ACOT9: variants seen among roughly 807,000 people sequenced by gnomAD.
The protein encoded by ACOT9 is acyl-coenzyme A thioesterase 9, mitochondrial.
Under a neutral mutation model 39.7 loss-of-function variants are expected in ACOT9, and 34 were observed. The observed-to-expected ratio is 0.86, with a 90% CI of 0.65 to 1.14. The LOEUF is 1.14. ACOT9 is among the 50% of genes most tolerant of loss of function. The probability of loss-of-function intolerance (pLI) is 0.00; values close to 1 mark genes in which losing one functional copy is unlikely to be tolerated. For missense variants in ACOT9, 313 were observed against 344.1 expected, an observed-to-expected ratio of 0.91 and a Z score of 0.71; for synonymous variants, 110 against 120.5, an observed-to-expected ratio of 0.91 and a Z score of 0.57.
intron 8 of ACOT9, 39 bp downstream of exon 8, chrX:23,721,842 T>G (rs1569194354): frequency 8.9e-7 from 1 of 1,117,822 alleles, no homozygotes; most frequent in African/African-American, 1.8e-5. Context: ...ACTAGCTGGT[T>G]TTACTTAAAC....
intron 4 of ACOT9, 114 bp from the exon 5 acceptor site, chrX:23,731,100 C>A: frequency 1.9e-6 from 1 of 531,055 alleles, no homozygotes; most frequent in South Asian, 4.7e-5. Context: ...TCTGGGCCTA[C>A]TTTCACCTTC....
At chrX:23,742,213 T>TGAGAAA (rs1920974876) in intron 1 of ACOT9, among the ~76,000 whole-genome samples, 1 of 68,910 alleles carries the variant, frequency 1.5e-5, no homozygotes, top group African/African-American at 7.5e-5. Flanking sequence ...AGTGAGTGAG[T>TGAGAAA]GAGAGAGAGA....
intron 9 of ACOT9, among the ~76,000 whole-genome samples, chrX:23,711,205 C>T: frequency 9.2e-6 from 1 of 109,156 alleles, no homozygotes; most frequent in East Asian, 2.9e-4. Flanking sequence ...GCCTGTAGTC[C>T]CAGCTACTTG....
At chrX:23,731,078 G>A (rs1014399359) in intron 4 of ACOT9, 92 bp from the exon 5 acceptor site, 14 of 741,580 alleles carry the variant, frequency 1.9e-5, no homozygotes, top group Non-Finnish European at 2.7e-5. Context: ...CATCAAAGGA[G>A]GAAAAAGAAG....
At chrX:23,736,037 C>A in intron 1 of ACOT9, 21 bp from the exon 2 acceptor site, 2 of 1,168,267 alleles carry the variant, frequency 1.7e-6, no homozygotes, top group Non-Finnish European at 2.3e-6. Flanking sequence ...AGATAAAACA[C>A]AGAGCAGATC....
At chrX:23,719,825 C>T (rs1929235180) in intron 8 of ACOT9, among the ~76,000 whole-genome samples, 1 of 95,682 alleles carries the variant, frequency 1.0e-5, no homozygotes, top group African/African-American at 3.9e-5. Flanking sequence ...AATACCCTGG[C>T]ATAAATGAAT....
chrX:23,731,106 C>T, intron 4 of ACOT9, 120 bp from the exon 5 acceptor site: 1 of 481,254 alleles, frequency 2.1e-6, no homozygotes, highest in Non-Finnish European at 3.3e-6. Flanking sequence ...CCTACTTTCA[C>T]CTTCTCTTCC....
At position 23,717,215 on chromosome X, in the gene ACOT9, C is replaced by A. The variant is rs181679342; in HGVS notation, c.589-4007G>T. Among the ~76,000 whole-genome samples, 45 of 110,460 alleles carry A rather than the reference C, an allele frequency of 4.1e-4. No homozygotes were observed. The East Asian group carries it at 0.012, about 29-fold the overall frequency. ...ATGTTGCTCAGGCTGGTCTTGAACT[C>A]CTGAGCTCAGGAGATCCACCTGCCT... is the stretch of plus-strand genomic sequence containing the variant. On this transcript the variant is annotated intron_variant, in intron 8 of 15. Coordinates refer to ENST00000379303, the MANE Select transcript of ACOT9 (RefSeq NM_001037171.2).
At chrX:23,730,066 A>G (rs1436791177) in intron 6 of ACOT9, among the ~76,000 whole-genome samples, 1 of 107,176 alleles carries the variant, frequency 9.3e-6, no homozygotes, top group African/African-American at 3.4e-5. Context: ...GAAAAAAATT[A>G]TGACAATTCA....
intron 8 of ACOT9, among the ~76,000 whole-genome samples, chrX:23,715,337 T>C (rs955686900): frequency 1.8e-5 from 2 of 111,279 alleles, no homozygotes; most frequent in Non-Finnish European, 3.8e-5. Flanking sequence ...CCTGATGCCT[T>C]CCTCAGCAGC....
At chrX:23,730,497 C>G (rs1423709732) in intron 6 of ACOT9, 30 bp downstream of exon 6, 1 of 1,128,414 alleles carries the variant, frequency 8.9e-7, no homozygotes, top group Non-Finnish European at 1.2e-6. Context: ...CTGTAGGTAT[C>G]TATTAGAAAG....
chrX:23,723,482 C>T (rs1448121797), intron 6 of ACOT9, among the ~76,000 whole-genome samples: 1 of 106,607 alleles, frequency 9.4e-6, no homozygotes, highest in Non-Finnish European at 1.9e-5. Flanking sequence ...GGCGTGGTGG[C>T]GTCCCAGTTA....
At chrX:23,736,038 A>C in intron 1 of ACOT9, 22 bp from the exon 2 acceptor site, 1 of 1,170,026 alleles carries the variant, frequency 8.5e-7, no homozygotes, top group Non-Finnish European at 1.2e-6. Flanking sequence ...GATAAAACAC[A>C]GAGCAGATCC....
chrX:23,734,411 T>G, intron 2 of ACOT9, 44 bp from the exon 3 acceptor site: 2 of 1,066,960 alleles, frequency 1.9e-6, no homozygotes, highest in Non-Finnish European at 2.6e-6. Context: ...CAGCAATAAT[T>G]CAAAACTAAA....
At position 23,729,883 on chromosome X, in the gene ACOT9, A is replaced by G. The variant is rs6653692; in HGVS notation, c.400+644T>C. Among the ~76,000 whole-genome samples the G allele has an allele frequency of 2.4e-4, 27 of 111,527 alleles. No homozygotes were observed. The South Asian group carries it at 3.3e-3, about 14-fold the overall frequency. ...CCTGACCTTGTGATCTGCCTGCCTC[A>G]GCCTCCCAAAGTGCTGGGATTATAG... is the stretch of plus-strand genomic sequence containing the variant. On this transcript the variant is annotated intron_variant, in intron 6 of 15. Coordinates refer to ENST00000379303, the MANE Select transcript of ACOT9 (RefSeq NM_001037171.2).
chrX:23,735,512 T>C (rs1182854474), intron 2 of ACOT9, among the ~76,000 whole-genome samples: 3 of 111,662 alleles, frequency 2.7e-5, no homozygotes, highest in Admixed American at 1.9e-4. Flanking sequence ...AGACAATCCA[T>C]AGTTTACGTA....
chrX:23,741,865 G>A (rs1460896882), intron 1 of ACOT9, among the ~76,000 whole-genome samples: 2 of 110,591 alleles, frequency 1.8e-5, no homozygotes, highest in Admixed American at 2.0e-4. Flanking sequence ...AATAGAGACG[G>A]GGTTTCACCA....
intron 8 of ACOT9, among the ~76,000 whole-genome samples, chrX:23,714,133 G>A (rs1928998306): frequency 9.0e-6 from 1 of 111,579 alleles, no homozygotes; most frequent in Admixed American, 9.7e-5. Context: ...AAAGGCAAGG[G>A]TCACAGAGAG....
chrX:23,709,008 TC>T (rs1161775858), intron 9 of ACOT9, among the ~76,000 whole-genome samples: 2 of 112,324 alleles, frequency 1.8e-5, no homozygotes, highest in Non-Finnish European at 3.8e-5. Flanking sequence ...TCTGTAAGCA[TC>T]AAATTTTTTG....
Sources: allele counts gnomAD v4.1 joint callset (sites outside exome capture counted in the v4.1 genomes callset), GRCh38; gene constraint gnomAD v4.1.1; transcripts MANE v1.5; gene names NCBI Gene and HGNC (gene_info 2026-07-23, HGNC 2026-07-21).